The following GRAMD1B variants were observed in gnomAD, a reference collection of about 807,000 sequenced individuals.
The protein encoded by GRAMD1B is GRAM domain containing 1B.
Under a neutral mutation model 99.7 loss-of-function variants are expected in GRAMD1B, and 37 were observed. The observed-to-expected ratio is 0.37, with a 90% CI of 0.29 to 0.49. The LOEUF is 0.49. Among genes scored for constraint, GRAMD1B ranks in the 20% least tolerant of loss-of-function variants. The probability of loss-of-function intolerance (pLI) is 0.98; values close to 1 mark genes in which losing one functional copy is unlikely to be tolerated. For missense variants in GRAMD1B, 888 were observed against 1,009.2 expected, an observed-to-expected ratio of 0.88 and a Z score of 1.63; for synonymous variants, 427 against 387.6, an observed-to-expected ratio of 1.10 and a Z score of -1.19.
intron 1 of GRAMD1B, among the ~76,000 whole-genome samples, chr11:123,442,389 C>T (rs542578162): frequency 8.9e-4 from 136 of 152,306 alleles, no homozygotes; most frequent in African/African-American, 3.1e-3. Flanking sequence ...GGGTCCCATT[C>T]CAGACCCAAA....
chr11:123,610,100 C>A lies in GRAMD1B; in HGVS notation c.1777-96C>A. 3.4e-6 allele frequency: 3 copies of A among 894,460 alleles called. No homozygotes were observed. The highest frequency in any genetic ancestry group is 5.0e-6 in the Non-Finnish European group (3 of 600,492). The allele number at this position is 894,460 out of a possible 1,614,324, so 55.4% of individuals were successfully genotyped here. A position where few individuals can be genotyped will look rare whatever the true frequency, so the allele number is the denominator to read the frequency against. ...GATCCTGGTTCTCCTGTTCAGAAGCCGTGGGGTGGGGTGGGCTTGGGGAGG... is the reference window on the plus strand; with the variant it reads ...GATCCTGGTTCTCCTGTTCAGAAGCAGTGGGGTGGGGTGGGCTTGGGGAGG... On this transcript the variant is annotated intron_variant, in intron 13 of 19. Transcript: ENST00000635736. This position sits in a 1 kb window ranked among gnomAD's most constrained non-coding sequence, Gnocchi z 4.1.
rs143072644 is a variant in GRAMD1B at position 123,376,245 on chromosome 11, G to A, written c.-176+17446G>A. 7.3e-3 allele frequency among the ~76,000 whole-genome samples: 1,103 copies of A among 152,104 alleles called. 18 individuals carry two copies. Among genetic ancestry groups the A allele is most frequent in the African/African-American group, 0.025 (1,028 of 41,492 alleles). On this transcript the variant is annotated intron_variant, in intron 1 of 20. Transcript: ENST00000638157. The stretch of plus-strand genomic sequence containing the variant: ...GTACTACCTTCTTAATATAACTAAG[G>A]TTTCTAATCTTTTCTAGTTTTTAGC...
chr11:123,551,831 G>A (rs1159664175), intron 2 of GRAMD1B, among the ~76,000 whole-genome samples: 1 of 152,130 alleles, frequency 6.6e-6, no homozygotes, highest in Non-Finnish European at 1.5e-5. Context: ...CCCAGTAGGT[G>A]AGACTCTGAG....
chr11:123,532,983 G>T (rs1454236742), intron 2 of GRAMD1B, among the ~76,000 whole-genome samples: 1 of 152,132 alleles, frequency 6.6e-6, no homozygotes, highest in Non-Finnish European at 1.5e-5. Flanking sequence ...TGTTTTTACT[G>T]GATAAAAACA....
intron 2 of GRAMD1B, among the ~76,000 whole-genome samples, chr11:123,551,639 T>G (rs1010675926): frequency 1.3e-5 from 2 of 152,188 alleles, no homozygotes; most frequent in African/African-American, 4.8e-5. Flanking sequence ...ATGGTAAACC[T>G]GGGATTGTGG....
Position 123,584,326 on chromosome 11 carries a change from G to A in GRAMD1B, c.678G>A (p.Trp226Ter). 9.2e-7 allele frequency: 1 copy of A among 1,084,700 alleles called. No individual in the cohort carries two copies. Among genetic ancestry groups the A allele is most frequent in the Non-Finnish European group, 1.2e-6 (1 of 832,668 alleles). 67.2% of individuals were successfully genotyped at this position (1,084,700 alleles called of 1,614,324 possible). Residue 226 changes from tryptophan (W) to a stop codon, truncating the protein, a stop_gained, in exon 4 of 20, where the codon TGG becomes TGA. Coordinates refer to ENST00000635736, the MANE Select transcript of GRAMD1B (RefSeq NM_001387025.1). LOFTEE classifies it high-confidence loss of function. ...TCTCTTTTCAGAAAAGCCAGAGTTG[G>A]TATAATGTAAGTATTCCTGTTTCCC... ...GGKNSKKSQS[W>*]YNVLSPTYKQ...
chr11:123,536,932 A>T (rs1944026118), intron 2 of GRAMD1B, among the ~76,000 whole-genome samples: 1 of 152,186 alleles, frequency 6.6e-6, no homozygotes, highest in Admixed American at 6.6e-5. Context: ...CATCTCTAAG[A>T]TGATGGGCAG....
At chr11:123,502,594 G>A (rs944500689) in intron 2 of GRAMD1B, among the ~76,000 whole-genome samples, 1 of 152,068 alleles carries the variant, frequency 6.6e-6, no homozygotes, top group Non-Finnish European at 1.5e-5. Context: ...GGGCAACTTG[G>A]TGAAACTCCG....
intron 2 of GRAMD1B, among the ~76,000 whole-genome samples, chr11:123,513,608 TC>T (rs1565315875): frequency 5.8e-5 from 7 of 120,420 alleles, no homozygotes; most frequent in African/African-American, 2.3e-4. Context: ...CTTCCTTCCT[TC>T]CTTCCTTCCT....
chr11:123,532,735 G>A (rs989516115), intron 2 of GRAMD1B, among the ~76,000 whole-genome samples: 1 of 152,194 alleles, frequency 6.6e-6, no homozygotes, highest in African/African-American at 2.4e-5. Context: ...AAGAAATTAA[G>A]AGAAGGATAA....
At chr11:123,540,602 G>GT (rs5795377) in intron 2 of GRAMD1B, among the ~76,000 whole-genome samples, 4 of 151,010 alleles carry the variant, frequency 2.6e-5, no homozygotes, top group Admixed American at 6.6e-5. Context: ...TTTGACTGTT[G>GT]TTTTTTTTTT....
Position 123,519,170 on chromosome 11 carries a change from C to T in GRAMD1B, c.452+38277C>T, listed in dbSNP as rs140080095. ...CCAAGGACAGGAAGGGAGGGGCTGG[C>T]TTTGGAGGCTCCAAGCTGGGAGCTG... On this transcript the variant is annotated intron_variant, in intron 2 of 19. Coordinates refer to ENST00000635736, the MANE Select transcript of GRAMD1B (RefSeq NM_001387025.1). 3.9e-3 allele frequency among the ~76,000 whole-genome samples: 593 copies of T among 152,298 alleles called. 16 individuals carry two copies. The highest frequency in any genetic ancestry group is 0.031 in the Admixed American group (474 of 15,298).
rs1333939678 is a variant in GRAMD1B at position 123,430,576 on chromosome 11, G to A, written c.-217G>A. 2 of 455,846 alleles carry A rather than the reference G, an allele frequency of 4.4e-6. No homozygotes were observed. Among genetic ancestry groups the A allele is most frequent in the Non-Finnish European group, 7.7e-6 (2 of 259,754 alleles). The allele number at this position is 455,846 out of a possible 1,614,324, so 28.2% of individuals were successfully genotyped here. A position where few individuals can be genotyped will look rare whatever the true frequency, so the allele number is the denominator to read the frequency against. On this transcript the variant is annotated 5_prime_UTR_variant, in exon 1 of 20. Coordinates refer to ENST00000635736, the MANE Select transcript of GRAMD1B (RefSeq NM_001387025.1). ...GGCCTCGCCGGCGGCTGACGGCCCG[G>A]AGGACGCGCGCTCCGAAAAGTTAGA...
intron 1 of GRAMD1B, among the ~76,000 whole-genome samples, chr11:123,463,224 G>A (rs555143566): frequency 6.6e-6 from 1 of 152,300 alleles, no homozygotes; most frequent in South Asian, 2.1e-4. Flanking sequence ...CGTTGGCCAG[G>A]CTGGTCTCCA....
intron 1 of GRAMD1B, among the ~76,000 whole-genome samples, chr11:123,452,247 T>C (rs1008112165): frequency 6.6e-6 from 1 of 152,142 alleles, no homozygotes; most frequent in Non-Finnish European, 1.5e-5. Context: ...GAAAAACATA[T>C]AATAAAAATG....
intron 2 of GRAMD1B, among the ~76,000 whole-genome samples, chr11:123,570,754 A>G (rs1248715796): frequency 6.6e-6 from 1 of 152,198 alleles, no homozygotes; most frequent in Non-Finnish European, 1.5e-5. Context: ...CAGCAGCTCA[A>G]AAATATTTAT....
At chr11:123,450,333 G>A (rs1444227748) in intron 1 of GRAMD1B, among the ~76,000 whole-genome samples, 1 of 152,166 alleles carries the variant, frequency 6.6e-6, no homozygotes, top group African/African-American at 2.4e-5. Flanking sequence ...TCCTGCAGGG[G>A]AAGAGGATTT....
intron 1 of GRAMD1B, among the ~76,000 whole-genome samples, chr11:123,471,699 T>C (rs1951022450): frequency 6.6e-6 from 1 of 152,100 alleles, no homozygotes. Context: ...GGGGTGCACA[T>C]TGCAATAGAT....
Position 123,591,241 on chromosome 11 carries a change from C to T in GRAMD1B, c.685-2841C>T, listed in dbSNP as rs532723104. 98 of 395,102 alleles carry T rather than the reference C, an allele frequency of 2.5e-4. 1 individual carries two copies. The South Asian group carries it at 0.012, about 50-fold the overall frequency. The allele number at this position is 395,102 out of a possible 1,614,324, so 24.5% of individuals were successfully genotyped here. A position where few individuals can be genotyped will look rare whatever the true frequency, so the allele number is the denominator to read the frequency against. On this transcript the variant is annotated intron_variant, in intron 4 of 19. Transcript: ENST00000635736. This position sits in a 1 kb window ranked among gnomAD's most constrained non-coding sequence, Gnocchi z 4.7. Reference sequence around the variant, plus strand: ...TGCAGCTCTAGGAGCAGAAAGGACACCTGTCAGAGTCACACAGGCCCTCTG... The same window carrying T: ...TGCAGCTCTAGGAGCAGAAAGGACATCTGTCAGAGTCACACAGGCCCTCTG...
Sources: gnomAD v4.1 joint callset for allele counts (sites outside exome capture counted in the v4.1 genomes callset) on GRCh38, gnomAD v4.1.1 for gene constraint, Gnocchi (gnomAD v3.1) non-coding constraint, MANE v1.5 for transcripts, NCBI Gene and HGNC (gene_info 2026-07-23, HGNC 2026-07-21) for gene names.